The following LRFN5 variants were observed in gnomAD, a reference collection of about 807,000 sequenced individuals.
The protein encoded by LRFN5 is leucine rich repeat and fibronectin type III domain containing 5.
Under a neutral mutation model 45.6 loss-of-function variants are expected in LRFN5, and 24 were observed. That is an observed-to-expected ratio of 0.53 (90% confidence interval 0.38 to 0.74). The LOEUF (loss-of-function observed/expected upper bound fraction) is 0.74, where lower values mean the gene tolerates loss of function less well. Ranked by LOEUF, LRFN5 falls within the 30% of genes least tolerant of loss-of-function variation. The pLI, the probability that LRFN5 is intolerant of heterozygous loss-of-function variation, is 0.00. For synonymous variants in LRFN5, 340 were observed against 313.8 expected, an observed-to-expected ratio of 1.08 and a Z score of -0.88; for missense variants, 776 against 861.5, an observed-to-expected ratio of 0.90 and a Z score of 1.24.
chr14:41,748,199 A>G (rs1884996758), intron 1 of LRFN5, among the ~76,000 whole-genome samples: 1 of 152,080 alleles, frequency 6.6e-6, no homozygotes. Context: ...AGAAAGCAAG[A>G]TATCAAAAAA....
In LRFN5 at chr14:41,891,395, G is replaced by A; in HGVS notation, c.1531G>A (p.Glu511Lys). The A allele has an allele frequency of 6.2e-7, 1 of 1,614,072 alleles. No homozygotes were observed. ...RVVGCIQFTT[E>K]QDYVRCHFMQ... ...CGTGGGTTGCATCCAGTTTACTACG[G>A]AACAGGATTATGTGCGTTGCCATTT... The change falls in exon 4 of 6, where the codon GAA (glutamate) becomes AAA (lysine). Residue 511 changes from glutamate (E) to lysine (K), a missense_variant. This residue lies in a region of LRFN5 where 465 missense variants were observed against 456.4 expected (regional missense o/e 1.02). Coordinates refer to ENST00000298119, the MANE Select transcript of LRFN5 (RefSeq NM_152447.5).
chr14:41,893,501 G>A, intron 4 of LRFN5: 1 of 984,796 alleles, frequency 1.0e-6, no homozygotes, highest in Non-Finnish European at 1.2e-6. Context: ...ACTATCTTAT[G>A]TCAAGTACTC....
At chr14:41,612,444 T>C (rs1887789116) in intron 1 of LRFN5, among the ~76,000 whole-genome samples, 1 of 152,120 alleles carries the variant, frequency 6.6e-6, no homozygotes, top group Non-Finnish European at 1.5e-5. Flanking sequence ...ATCTTCAGGG[T>C]TTTGTATGTA....
At chr14:41,643,697 T>C (rs1011446406) in intron 1 of LRFN5, among the ~76,000 whole-genome samples, 2 of 147,860 alleles carry the variant, frequency 1.4e-5, no homozygotes, top group Admixed American at 1.3e-4. Flanking sequence ...AGTGCACACA[T>C]AGACATAAAC....
At chr14:41,646,177 C>T (rs1879810833) in intron 1 of LRFN5, among the ~76,000 whole-genome samples, 1 of 152,058 alleles carries the variant, frequency 6.6e-6, no homozygotes, top group Non-Finnish European at 1.5e-5. Context: ...GTTAATCATC[C>T]TATAGTTCTA....
At chr14:41,712,235 A>T (rs906837703) in intron 1 of LRFN5, among the ~76,000 whole-genome samples, 4 of 152,180 alleles carry the variant, frequency 2.6e-5, no homozygotes, top group Non-Finnish European at 5.9e-5. Context: ...AGACAGGATT[A>T]AAAACTCTGT....
chr14:41,689,887 T>A, intron 1 of LRFN5, among the ~76,000 whole-genome samples: 1 of 85,970 alleles, frequency 1.2e-5, no homozygotes, highest in African/African-American at 5.6e-5. Context: ...AGAGCGAGAC[T>A]CCGTCTCAAA....
intron 1 of LRFN5, among the ~76,000 whole-genome samples, chr14:41,674,124 G>T (rs1238882604): frequency 1.5e-5 from 2 of 137,830 alleles, no homozygotes. Context: ...TGGCAGAGGG[G>T]CTCCTCACTT....
rs1440440728 is a variant in LRFN5 at position 41,887,332 on chromosome 14, G to A, written c.707G>A (p.Ser236Asn). 6 of 1,614,216 alleles carry A rather than the reference G, an allele frequency of 3.7e-6. No individual in the cohort carries two copies. The highest frequency in any genetic ancestry group is 4.2e-6 in the Non-Finnish European group (5 of 1,180,050). The change falls in exon 3 of 6, where the codon AGT (serine) becomes AAT (asparagine). Residue 236 changes from serine (S) to asparagine (N), a missense_variant. Coordinates refer to ENST00000298119, the MANE Select transcript of LRFN5 (RefSeq NM_152447.5). This position sits in a 1 kb window ranked among gnomAD's most constrained non-coding sequence, Gnocchi z 4.8. The stretch of plus-strand genomic sequence containing the variant: ...ATAAGCCCATCTACTTTTGCATTAA[G>A]TTTTGGTGGAAACCCCTTGCATTGC... ...GIISPSTFAL[S>N]FGGNPLHCNC... is the part of the protein sequence containing the mutation.
chr14:41,802,680 T>G (rs1887378381), intron 2 of LRFN5, among the ~76,000 whole-genome samples: 1 of 152,112 alleles, frequency 6.6e-6, no homozygotes, highest in South Asian at 2.1e-4. Flanking sequence ...AACCCTTCCT[T>G]CCAGTTAAGT....
intron 1 of LRFN5, among the ~76,000 whole-genome samples, chr14:41,665,695 C>T (rs1219804254): frequency 6.6e-6 from 1 of 151,864 alleles, no homozygotes; most frequent in Non-Finnish European, 1.5e-5. Context: ...TCTCTTATTT[C>T]AAAAGCTACT....
At chr14:41,741,081 A>G (rs377015864) in intron 1 of LRFN5, among the ~76,000 whole-genome samples, 1 of 150,426 alleles carries the variant, frequency 6.6e-6, no homozygotes, top group East Asian at 1.9e-4. Flanking sequence ...AAAAACACAC[A>G]ATATAAAGAT....
intron 2 of LRFN5, among the ~76,000 whole-genome samples, chr14:41,800,668 G>A (rs903522879): frequency 7.3e-5 from 11 of 151,160 alleles, no homozygotes; most frequent in Non-Finnish European, 1.6e-4. Flanking sequence ...GAAATAATAT[G>A]TTTTAAAAAA....
intron 2 of LRFN5, among the ~76,000 whole-genome samples, chr14:41,805,550 T>TC (rs1298341983): frequency 1.5e-4 from 20 of 131,854 alleles, no homozygotes; most frequent in African/African-American, 4.8e-4. Flanking sequence ...ATGCTATCCC[T>TC]CCACCCCCCC....
intron 2 of LRFN5, among the ~76,000 whole-genome samples, chr14:41,856,858 A>G (rs1441015516): frequency 1.4e-5 from 2 of 146,886 alleles, no homozygotes; most frequent in East Asian, 3.9e-4. Flanking sequence ...TTGTATTTTT[A>G]GTAGAGACGG....
At chr14:41,804,485 C>T (rs114203820) in intron 2 of LRFN5, among the ~76,000 whole-genome samples, 1,927 of 152,108 alleles carry the variant, frequency 0.013, 33 homozygotes, top group African/African-American at 0.043. Context: ...TTGTGACCTC[C>T]GGAATAATGA....
intron 1 of LRFN5, among the ~76,000 whole-genome samples, chr14:41,613,403 G>GCACGTGTACCC (rs1887827561): frequency 1.3e-5 from 2 of 151,882 alleles, no homozygotes; most frequent in Non-Finnish European, 2.9e-5. Context: ...TAACAAACCT[G>GCACGTGTACCC]CACGTGTACC....
At chr14:41,781,245 A>G (rs1182989414) in intron 2 of LRFN5, among the ~76,000 whole-genome samples, 1 of 152,028 alleles carries the variant, frequency 6.6e-6, no homozygotes, top group East Asian at 1.9e-4. Context: ...TCTAAGGCCA[A>G]GTGTGTTGGT....
chr14:41,894,360 TA>T, intron 4 of LRFN5: 1 of 857,460 alleles, frequency 1.2e-6, no homozygotes, highest in Non-Finnish European at 1.4e-6. Context: ...TATTTAATCA[TA>T]TGAGATTTAT....
Sources: gnomAD v4.1 joint callset for allele counts (sites outside exome capture counted in the v4.1 genomes callset) on GRCh38, gnomAD v4.1.1 for gene constraint, gnomAD v4.1.1 regional missense constraint, Gnocchi (gnomAD v3.1) non-coding constraint, MANE v1.5 for transcripts, NCBI Gene and HGNC (gene_info 2026-07-23, HGNC 2026-07-21) for gene names.